The following IL34 variants were observed in gnomAD, a reference collection of about 807,000 sequenced individuals.
IL34 encodes the protein interleukin-34.
IL34 carries 17 observed loss-of-function variants against 25.3 expected under a neutral mutation model. The observed-to-expected ratio is 0.67, with a 90% CI of 0.46 to 1.01. The LOEUF is 1.01. Among genes scored for constraint, IL34 ranks in the 50% least tolerant of loss-of-function variants. The pLI is 0.00. For missense variants in IL34, 368 were observed against 312.9 expected (o/e 1.18, Z -1.33); for synonymous variants, 174 against 140.9 (o/e 1.23, Z -1.66).
intron 1 of IL34, among the ~76,000 whole-genome samples, chr16:70,625,844 G>C (rs1402781925): frequency 1.3e-5 from 2 of 152,192 alleles, no homozygotes; most frequent in African/African-American, 2.4e-5. Context: ...GATTGGAAAA[G>C]AGAGTAAAAA....
chr16:70,621,606 A>G (rs2051283712), intron 1 of IL34, among the ~76,000 whole-genome samples: 1 of 152,136 alleles, frequency 6.6e-6, no homozygotes, highest in Admixed American at 6.6e-5. Context: ...TCATGGCACC[A>G]AATTTCATGC....
chr16:70,586,693 G>A (rs941660713), intron 1 of IL34, among the ~76,000 whole-genome samples: 2 of 152,204 alleles, frequency 1.3e-5, no homozygotes, highest in African/African-American at 2.4e-5. Flanking sequence ...GCACCGTCCT[G>A]GACCTGTCCT....
intron 1 of IL34, among the ~76,000 whole-genome samples, chr16:70,603,325 G>T (rs1308884171): frequency 6.6e-6 from 1 of 152,048 alleles, no homozygotes. Flanking sequence ...TGTTGCCCAG[G>T]CTAGAGTGCA....
At chr16:70,596,837 T>C (rs571652226) in intron 1 of IL34, among the ~76,000 whole-genome samples, 5 of 152,300 alleles carry the variant, frequency 3.3e-5, no homozygotes, top group Admixed American at 2.6e-4. Flanking sequence ...GTGATTTCCC[T>C]TGGCCTCCCA....
At chr16:70,623,028 G>A (rs1001672202) in intron 1 of IL34, among the ~76,000 whole-genome samples, 1 of 152,164 alleles carries the variant, frequency 6.6e-6, no homozygotes, top group South Asian at 2.1e-4. Flanking sequence ...AAGGGATTGA[G>A]GTTTGGGGGA....
chr16:70,644,649 C>T (rs932992710), upstream of IL34, among the ~76,000 whole-genome samples: 5 of 139,956 alleles, frequency 3.6e-5, no homozygotes, highest in East Asian at 2.2e-4. Context: ...GTTCTAGATA[C>T]GTTAGTGTTT....
At chr16:70,649,031 T>C (rs1005699811) in intron 1 of IL34, among the ~76,000 whole-genome samples, 4 of 152,150 alleles carry the variant, frequency 2.6e-5, no homozygotes, top group African/African-American at 9.7e-5. Context: ...TTTAGGGAAC[T>C]GCCTAAATCC....
At chr16:70,653,505 T>C (rs553213619) in intron 1 of IL34, among the ~76,000 whole-genome samples, 3 of 151,978 alleles carry the variant, frequency 2.0e-5, no homozygotes, top group Admixed American at 2.0e-4. Context: ...TCGAGGCAAG[T>C]CTGGCCAACA....
At chr16:70,600,048 C>A (rs2050893130) in intron 1 of IL34, among the ~76,000 whole-genome samples, 1 of 152,098 alleles carries the variant, frequency 6.6e-6, no homozygotes, top group Admixed American at 6.6e-5. Context: ...TCCCCTGACA[C>A]CCTGACACGG....
chr16:70,656,800 C>G (rs527516597), intron 3 of IL34, 121 bp downstream of exon 3: 13 of 1,010,448 alleles, frequency 1.3e-5, no homozygotes, highest in South Asian at 1.2e-4. Context: ...TCCTCAGCCC[C>G]GAGAGCAGGC....
chr16:70,659,576 G>A, intron 4 of IL34, 42 bp from the exon 5 acceptor site: 6 of 1,571,650 alleles, frequency 3.8e-6, no homozygotes, highest in Non-Finnish European at 5.2e-6. Flanking sequence ...CTGGGGTGCG[G>A]CCCCATCTCG....
At chr16:70,610,852 C>T (rs1192910428) in intron 1 of IL34, among the ~76,000 whole-genome samples, 2 of 152,184 alleles carry the variant, frequency 1.3e-5, no homozygotes, top group African/African-American at 2.4e-5. Flanking sequence ...CGGGAAGCCA[C>T]GGAGAGCAGT....
chr16:70,602,118 C>T (rs1282127292), intron 1 of IL34, among the ~76,000 whole-genome samples: 3 of 152,214 alleles, frequency 2.0e-5, no homozygotes, highest in Non-Finnish European at 4.4e-5. Context: ...ACTCAGGTCT[C>T]CCTGCTCCAG....
At chr16:70,631,554 G>C (rs2051518161) in intron 1 of IL34, among the ~76,000 whole-genome samples, 2 of 152,062 alleles carry the variant, frequency 1.3e-5, no homozygotes, top group African/African-American at 2.4e-5. Flanking sequence ...TAATGTTTTG[G>C]AGGATGTCCC....
At chr16:70,659,585 C>A (rs377763641) in intron 4 of IL34, 33 bp from the exon 5 acceptor site, 2 of 1,578,818 alleles carry the variant, frequency 1.3e-6, no homozygotes, top group Non-Finnish European at 1.7e-6. Flanking sequence ...GGCCCCATCT[C>A]GCCACCGCTC....
At chr16:70,603,429 G>C (rs1484255310) in intron 1 of IL34, among the ~76,000 whole-genome samples, 1 of 152,094 alleles carries the variant, frequency 6.6e-6, no homozygotes, top group Non-Finnish European at 1.5e-5. Flanking sequence ...ACAGCCATGG[G>C]CCACCACGCC....
rs376622964 is a variant in IL34 at position 70,589,721 on chromosome 16, C to A, written c.-401+9672C>A. ...CACCGCAACTTCAGCCTCCTGGGTT[C>A]AAGTGATTCTCTTGCCTCAGCCTCC... On this transcript the variant is annotated intron_variant, in intron 1 of 6. Transcript: ENST00000429149. Among the ~76,000 whole-genome samples, 5 of 151,108 alleles carry A rather than the reference C, an allele frequency of 3.3e-5. No individual in the cohort carries two copies. The East Asian group carries it at 5.9e-4, about 18-fold the overall frequency.
upstream of IL34, among the ~76,000 whole-genome samples, chr16:70,643,226 C>G (rs2051828982): frequency 6.6e-6 from 1 of 152,076 alleles, no homozygotes; most frequent in Non-Finnish European, 1.5e-5. Context: ...CCGTGCCTGG[C>G]TAATCTTTTG....
intron 1 of IL34, among the ~76,000 whole-genome samples, chr16:70,629,057 A>T (rs892814260): frequency 3.3e-5 from 5 of 152,168 alleles, no homozygotes; most frequent in Non-Finnish European, 4.4e-5. Flanking sequence ...GATTATAGGC[A>T]TGAGTCACTG....
Sources: gnomAD v4.1 joint callset for allele counts (sites outside exome capture counted in the v4.1 genomes callset) on GRCh38, gnomAD v4.1.1 for gene constraint, MANE v1.5 for transcripts, NCBI Gene and HGNC (gene_info 2026-07-23, HGNC 2026-07-21) for gene names.